Variants in MBD5 observed in about 807,000 individuals in gnomAD.
MBD5 encodes methyl-CpG-binding domain protein 5.
Under a neutral mutation model 117.3 loss-of-function variants are expected in MBD5, and 13 were observed. The observed-to-expected ratio is 0.11, with a 90% confidence interval of 0.07 to 0.18. The LOEUF (loss-of-function observed/expected upper bound fraction) is 0.18, where lower values mean the gene tolerates loss of function less well. MBD5 is among the 10% of genes least tolerant of loss of function. The probability of loss-of-function intolerance (pLI) is 1.00; values close to 1 mark genes in which losing one functional copy is unlikely to be tolerated. For synonymous variants in MBD5, 727 were observed against 766.4 expected (o/e 0.95, Z 0.85); for missense variants, 1,879 against 2,093.8 (o/e 0.90, Z 2.00).
intron 8 of MBD5, among the ~76,000 whole-genome samples, chr2:148,482,417 T>C (rs1351142578): frequency 2.0e-5 from 3 of 151,984 alleles, no homozygotes; most frequent in Non-Finnish European, 4.4e-5. Flanking sequence ...TCACAATATA[T>C]TGATAAATAA....
intron 2 of MBD5, among the ~76,000 whole-genome samples, chr2:148,199,683 C>T (rs1176910065): frequency 1.3e-5 from 2 of 151,766 alleles, no homozygotes; most frequent in African/African-American, 4.8e-5. Context: ...TCACTTAAGC[C>T]CAGGAAGTTG....
At chr2:148,360,117 A>C (rs1703490736) in intron 4 of MBD5, among the ~76,000 whole-genome samples, 1 of 152,130 alleles carries the variant, frequency 6.6e-6, no homozygotes, top group African/African-American at 2.4e-5. Flanking sequence ...GGCTGAAAGA[A>C]ATTGCAAATG....
intron 2 of MBD5, among the ~76,000 whole-genome samples, chr2:148,196,508 A>G (rs7578002): frequency 0.79 from 120,289 of 152,106 alleles, 48,918 homozygotes; most frequent in East Asian, 0.9. Flanking sequence ...TCAATCTCTT[A>G]GGTAAGCTTT....
Position 148,469,270 on chromosome 2 carries a change from G to A in MBD5, c.1327G>A (p.Val443Met), listed in dbSNP as rs137977565. ...GTCCCCTTCTCCAGTGACATCCCCC[G>A]TGCACATGATGGGGACTGGAATTGG... Reference protein sequence around the residue: ...SLSPSPVTSPVHMMGTGIGRI... With the variant: ...SLSPSPVTSPMHMMGTGIGRI... Residue 443 changes from valine (V) to methionine (M), a missense_variant, in exon 8 of 14, where the codon GTG (valine) becomes ATG (methionine). Around this residue, in one of 4 missense-constraint regions of MBD5, gnomAD observed 1,666 missense variants for 1,792.2 expected, o/e 0.93. Coordinates refer to ENST00000642680, the MANE Select transcript of MBD5 (RefSeq NM_001378120.1). 40 of 1,613,656 alleles carry A rather than the reference G, an allele frequency of 2.5e-5. No homozygotes were observed. Among genetic ancestry groups the A allele is most frequent in the South Asian group, 1.6e-4 (15 of 91,062 alleles).
At chr2:148,294,327 C>G (rs1306466487) in intron 3 of MBD5, among the ~76,000 whole-genome samples, 2 of 143,940 alleles carry the variant, frequency 1.4e-5, no homozygotes, top group African/African-American at 5.2e-5. Flanking sequence ...CGGGTTCACG[C>G]CATTCTCCTG....
intron 1 of MBD5, among the ~76,000 whole-genome samples, chr2:148,076,491 T>G (rs1695514120): frequency 6.6e-6 from 1 of 152,174 alleles, no homozygotes; most frequent in African/African-American, 2.4e-5. Context: ...CAATCATTTC[T>G]TTCATCATGC....
At chr2:148,444,138 T>C (rs969182947) in intron 4 of MBD5, among the ~76,000 whole-genome samples, 2 of 151,376 alleles carry the variant, frequency 1.3e-5, no homozygotes, top group Admixed American at 1.3e-4. Flanking sequence ...GAAATATTAT[T>C]TATTCATTTG....
chr2:148,296,890 CAG>C (rs1197259045), intron 3 of MBD5, among the ~76,000 whole-genome samples: 1 of 4,664 alleles, frequency 2.1e-4, no homozygotes, highest in African/African-American at 2.8e-4. Flanking sequence ...TTTTTGGAGA[CAG>C]AGTCTCACTC....
intron 1 of MBD5, among the ~76,000 whole-genome samples, chr2:148,128,110 C>T (rs1356101895): frequency 2.0e-5 from 3 of 151,982 alleles, no homozygotes; most frequent in Admixed American, 2.0e-4. Flanking sequence ...GTTTAAGTTT[C>T]TTGTAGACTC....
chr2:148,289,382 C>G (rs1403863885), intron 3 of MBD5, among the ~76,000 whole-genome samples: 1 of 152,028 alleles, frequency 6.6e-6, no homozygotes, highest in Admixed American at 6.6e-5. Context: ...CAATAGTGCT[C>G]ATGAGGGTAA....
At chr2:148,139,301 G>A (rs1392828468) in intron 1 of MBD5, among the ~76,000 whole-genome samples, 5 of 152,070 alleles carry the variant, frequency 3.3e-5, no homozygotes, top group Non-Finnish European at 1.5e-5. Context: ...CCACCTTCCG[G>A]GTTCAGGTGA....
At chr2:148,037,664 G>A (rs902824784) in intron 1 of MBD5, among the ~76,000 whole-genome samples, 34 of 151,994 alleles carry the variant, frequency 2.2e-4, no homozygotes, top group African/African-American at 7.2e-4. Flanking sequence ...CAGTGTATTC[G>A]CATTATAAAT....
chr2:148,216,788 T>G (rs566203967), intron 2 of MBD5, among the ~76,000 whole-genome samples: 1 of 152,250 alleles, frequency 6.6e-6, no homozygotes, highest in South Asian at 2.1e-4. Flanking sequence ...TTCTCCTTTC[T>G]CACAATCTTT....
intron 11 of MBD5, among the ~76,000 whole-genome samples, chr2:148,497,786 TA>T (rs35423029): frequency 0.13 from 16,159 of 124,340 alleles, 1,920 homozygotes; most frequent in African/African-American, 0.34. Flanking sequence ...ACCTTGTCTC[TA>T]AAAAAAAAAA....
At chr2:148,197,286 G>T (rs114864478) in intron 2 of MBD5, among the ~76,000 whole-genome samples, 16 of 152,140 alleles carry the variant, frequency 1.1e-4, no homozygotes, top group African/African-American at 3.9e-4. Context: ...GTTTTCAGAC[G>T]ATTTCAGTTC....
rs1441307948 is a variant in MBD5, at chr2:148,490,639, A to G, written c.4962+45A>G. 7 of 1,607,550 alleles carry G rather than the reference A, an allele frequency of 4.4e-6. No homozygotes were observed. The South Asian group carries it at 7.7e-5, about 18-fold the overall frequency. On this transcript the variant is annotated intron_variant, in intron 11 of 13. Transcript: ENST00000642680. Reference sequence around the variant, plus strand: ...TTGTCAAATACTAACCTTTGTTCAGATATCAATTATTGCTTTTTGTTATCA... The same window carrying G: ...TTGTCAAATACTAACCTTTGTTCAGGTATCAATTATTGCTTTTTGTTATCA...
chr2:148,379,064 C>A (rs796442037), intron 4 of MBD5, among the ~76,000 whole-genome samples: 1 of 151,836 alleles, frequency 6.6e-6, no homozygotes, highest in South Asian at 2.1e-4. Flanking sequence ...CTCACAAAGA[C>A]AAGATAGAGC....
intron 1 of MBD5, among the ~76,000 whole-genome samples, chr2:148,126,242 A>C (rs78961482): frequency 0.43 from 62,256 of 145,726 alleles, 13,044 homozygotes; most frequent in Middle Eastern, 0.54. Flanking sequence ...CTAAAAATAA[A>C]AAAAAAAAAA....
intron 4 of MBD5, among the ~76,000 whole-genome samples, chr2:148,446,011 C>A (rs1477364715): frequency 6.6e-6 from 1 of 150,654 alleles, no homozygotes; most frequent in East Asian, 1.9e-4. Context: ...TGTTTGAGTT[C>A]ATTGTAGATT....
Sources: allele counts gnomAD v4.1 joint callset (sites outside exome capture counted in the v4.1 genomes callset), GRCh38; gene constraint gnomAD v4.1.1; regional missense constraint gnomAD v4.1.1; transcripts MANE v1.5; gene names NCBI Gene and HGNC (gene_info 2026-07-23, HGNC 2026-07-21).